NPY2R: variants seen among roughly 807,000 people sequenced by gnomAD.
NPY2R encodes neuropeptide Y receptor type 2.
In NPY2R, 17 loss-of-function variants were observed where a neutral mutation model predicts 22.3. The observed-to-expected ratio is 0.76, with a 90% CI of 0.52 to 1.14. The LOEUF is 1.14. Ranked by LOEUF, NPY2R falls within the 50% of genes most tolerant of loss-of-function variation. NPY2R has a pLI of 0.00. For synonymous variants in NPY2R, 209 were observed against 183.4 expected (o/e 1.14, Z -1.13); for missense variants, 424 against 467.9 (o/e 0.91, Z 0.87).
At chr4:155,183,595 T>G in the NPY2R span, among the ~76,000 whole-genome samples, 71,091 of 151,942 alleles carry the variant, frequency 0.47, 17,347 homozygotes, top group East Asian at 0.69. Flanking sequence ...TAATGATTTT[T>G]TTAAAAGGAT....
Position 155,215,748 on chromosome 4 carries a change from GAA to G in NPY2R, c.*665_*666del, listed in dbSNP as rs1395910088. The G allele has an allele frequency of 1.8e-5, 3 of 167,220 alleles. No homozygotes were observed. Among genetic ancestry groups the G allele is most frequent in the African/African-American group, 7.2e-5 (3 of 41,442 alleles). The allele number at this position is 167,220 out of a possible 1,614,324, so 10.4% of individuals were successfully genotyped here. A position where few individuals can be genotyped will look rare whatever the true frequency, so the allele number is the denominator to read the frequency against. The stretch of plus-strand genomic sequence containing the variant: ...TCTTAAAACCAATTGCACGTTTGGT[GAA>G]AGTTTCTTCAACTCTGAATCAAAAG... On this transcript the variant is annotated 3_prime_UTR_variant, in exon 2 of 2. Coordinates refer to ENST00000329476, the MANE Select transcript of NPY2R (RefSeq NM_000910.4).
chr4:155,205,525 C>A (rs1260898714), upstream of NPY2R, among the ~76,000 whole-genome samples: 1 of 152,136 alleles, frequency 6.6e-6, no homozygotes, highest in Non-Finnish European at 1.5e-5. Flanking sequence ...GAAATTTCAT[C>A]TAGCTATCTA....
At chr4:155,189,991 C>T in the NPY2R span, among the ~76,000 whole-genome samples, 2 of 152,056 alleles carry the variant, frequency 1.3e-5, no homozygotes, top group Admixed American at 1.3e-4. Context: ...TGAACAAATG[C>T]TTTTCTCTCT....
At chr4:155,182,938 G>T in the NPY2R span, among the ~76,000 whole-genome samples, 2 of 151,898 alleles carry the variant, frequency 1.3e-5, no homozygotes, top group East Asian at 3.9e-4. Context: ...GATTACAGGC[G>T]CCCATCACTA....
chr4:155,214,940 A>G lies in NPY2R; in HGVS notation c.1001A>G (p.Lys334Arg). Residue 334 changes from lysine (K) to arginine (R), a missense_variant, in exon 2 of 2, where the codon AAG (lysine) becomes AGG (arginine). Lys to Arg is a conservative substitution (Grantham distance 26, BLOSUM62 2). Coordinates refer to ENST00000329476, the MANE Select transcript of NPY2R (RefSeq NM_000910.4). ...LYGWMNSNYR[K>R]AFLSAFRCEQ... ...GGCTGGATGAACAGCAACTACAGAAAGGCTTTCCTCTCGGCCTTCCGCTGT... is the reference window on the plus strand; with the variant it reads ...GGCTGGATGAACAGCAACTACAGAAGGGCTTTCCTCTCGGCCTTCCGCTGT... 1 of 1,614,172 alleles carries G rather than the reference A, an allele frequency of 6.2e-7. No individual in the cohort carries two copies. Among genetic ancestry groups the G allele is most frequent in the Non-Finnish European group, 8.5e-7 (1 of 1,179,986 alleles).
the NPY2R span, among the ~76,000 whole-genome samples, chr4:155,175,540 T>C: frequency 0.039 from 5,886 of 152,236 alleles, 383 homozygotes; most frequent in African/African-American, 0.13. Flanking sequence ...ATCATTTTAT[T>C]TTATGTGTAA....
chr4:155,201,859 G>T, the NPY2R span, among the ~76,000 whole-genome samples: 2 of 152,078 alleles, frequency 1.3e-5, no homozygotes, highest in Non-Finnish European at 2.9e-5. Context: ...AGCACAGCAG[G>T]ATATCTACCA....
the NPY2R span, among the ~76,000 whole-genome samples, chr4:155,178,544 A>G: frequency 1.3e-5 from 2 of 152,152 alleles, no homozygotes; most frequent in Non-Finnish European, 2.9e-5. Flanking sequence ...CTTCTATAAC[A>G]TTTTGGTTTT....
At chr4:155,192,481 T>G in the NPY2R span, among the ~76,000 whole-genome samples, 1 of 151,944 alleles carries the variant, frequency 6.6e-6, no homozygotes, top group South Asian at 2.1e-4. Context: ...TTTACATTCT[T>G]GATCTAGGTA....
the NPY2R span, among the ~76,000 whole-genome samples, chr4:155,186,717 G>A: frequency 6.6e-6 from 1 of 152,012 alleles, no homozygotes; most frequent in African/African-American, 2.4e-5. Context: ...CCGAAATTTT[G>A]TGTCCTTTGA....
At chr4:155,203,185 G>A in the NPY2R span, among the ~76,000 whole-genome samples, 1 of 152,094 alleles carries the variant, frequency 6.6e-6, no homozygotes, top group Admixed American at 6.5e-5. Context: ...CAAATCCACA[G>A]AAATAAAAAT....
the NPY2R span, among the ~76,000 whole-genome samples, chr4:155,192,232 G>C: frequency 1.4e-4 from 21 of 151,832 alleles, no homozygotes; most frequent in African/African-American, 5.1e-4. Context: ...TGTTTCGTTA[G>C]CTGACCTGTT....
At chr4:155,186,128 G>A in the NPY2R span, among the ~76,000 whole-genome samples, 4 of 152,054 alleles carry the variant, frequency 2.6e-5, no homozygotes, top group African/African-American at 9.7e-5. Flanking sequence ...GGGATCCAAA[G>A]ATTATTTATT....
chr4:155,210,512 C>T (rs190081320), intron 1 of NPY2R, among the ~76,000 whole-genome samples: 219 of 152,286 alleles, frequency 1.4e-3, no homozygotes, highest in Middle Eastern at 3.4e-3. Flanking sequence ...CTGTAAATGG[C>T]TAAATGGCTT....
At chr4:155,205,431 A>G (rs1729263240), upstream of NPY2R, among the ~76,000 whole-genome samples, 1 of 152,188 alleles carries the variant, frequency 6.6e-6, no homozygotes, top group Non-Finnish European at 1.5e-5. Context: ...AATCTATATC[A>G]TGATTTTCTT....
At chr4:155,179,277 T>C in the NPY2R span, among the ~76,000 whole-genome samples, 1 of 152,170 alleles carries the variant, frequency 6.6e-6, no homozygotes, top group Admixed American at 6.6e-5. Flanking sequence ...ATGGGCCATA[T>C]TTTCCTGCTT....
At chr4:155,183,929 A>G in the NPY2R span, among the ~76,000 whole-genome samples, 1 of 152,216 alleles carries the variant, frequency 6.6e-6, no homozygotes. Context: ...TTTACTTCAC[A>G]GTGAAAATGA....
chr4:155,192,405 A>C, the NPY2R span, among the ~76,000 whole-genome samples: 1 of 151,918 alleles, frequency 6.6e-6, no homozygotes, highest in African/African-American at 2.4e-5. Flanking sequence ...ACATTGTGAA[A>C]AAAAAGGCCT....
chr4:155,214,307 G>A lies in NPY2R; in HGVS notation c.368G>A (p.Cys123Tyr). 1 of 1,614,056 alleles carries A rather than the reference G, an allele frequency of 6.2e-7. No individual in the cohort carries two copies. The highest frequency in any genetic ancestry group is 8.5e-7 in the Non-Finnish European group (1 of 1,180,010). The change falls in exon 2 of 2, where the codon TGC becomes TAC. Residue 123 changes from cysteine to tyrosine, a missense_variant. Coordinates refer to ENST00000329476, the MANE Select transcript of NPY2R (RefSeq NM_000910.4). The part of the protein sequence containing the change: ...MGEWKMGPVL[C>Y]HLVPYAQGLA... ...GAGTGGAAAATGGGTCCTGTCCTGT[G>A]CCACCTGGTGCCCTATGCCCAGGGC... is the stretch of plus-strand genomic sequence containing the variant.
Sources: gnomAD v4.1 joint callset for allele counts (sites outside exome capture counted in the v4.1 genomes callset) on GRCh38, gnomAD v4.1.1 for gene constraint, MANE v1.5 for transcripts, NCBI Gene and HGNC (gene_info 2026-07-23, HGNC 2026-07-21) for gene names.